Variants in WDR87 observed in about 807,000 individuals in gnomAD.
The protein encoded by WDR87 is WD repeat domain 87.
WDR87 carries 56 observed loss-of-function variants against 83.3 expected under a neutral mutation model. That is an observed-to-expected ratio of 0.67 (90% CI 0.54 to 0.84). The LOEUF (loss-of-function observed/expected upper bound fraction) is 0.84. WDR87 is among the 40% of genes least tolerant of loss of function. The pLI is 0.00. For missense variants in WDR87, 2,939 were observed against 3,431.9 expected (o/e 0.86, Z 3.59); for synonymous variants, 1,173 against 1,250.6 (o/e 0.94, Z 1.31).
rs1165057407 is a variant in WDR87, at chr19:37,886,656, G to A, written c.7015C>T (p.Gln2339Ter). The A allele has an allele frequency of 6.6e-7, 1 of 1,504,516 alleles. No homozygotes were observed. Among genetic ancestry groups the A allele is most frequent in the Non-Finnish European group, 9.0e-7 (1 of 1,110,920 alleles). The allele number at this position is 1,504,516 out of a possible 1,614,324, so 93.2% of individuals were successfully genotyped here. A position where few individuals can be genotyped will look rare whatever the true frequency, so the allele number is the denominator to read the frequency against. Residue 2339 changes from glutamine to a stop codon, truncating the protein, a stop_gained, in exon 6 of 6, where the codon CAG (glutamine) becomes TAG (stop). Transcript: ENST00000447313. LOFTEE classifies it low-confidence loss of function (END_TRUNC). ...TCCTCAAACACTTCTTCCTTCTCCT[G>A]AACCTCCTCCTTCTTCTTTTCCTTT... ...KKKEKKKEEVQEKEEVFEEKE... is the reference protein window; with the variant it reads ...KKKEKKKEEV
At chr19:37,896,010 A>G (rs1193144820) in intron 3 of WDR87, 128 bp downstream of exon 3, 2 of 1,241,702 alleles carry the variant, frequency 1.6e-6, no homozygotes, top group Non-Finnish European at 2.2e-6. Context: ...AGAAAGGATG[A>G]GGAGAGATTT....
Position 37,884,924 on chromosome 19 carries a change from G to T in WDR87, c.*8C>A. On this transcript the variant is annotated 3_prime_UTR_variant, in exon 6 of 6. Coordinates refer to ENST00000447313, the MANE Select transcript of WDR87 (RefSeq NM_001291088.2). ...AATGAAAAGTCCCAGCCTCCAGTCA[G>T]TCCCAAATTAGAGAGTGGGAGCAAC... 7.7e-7 allele frequency: 1 copy of T among 1,290,970 alleles called. No homozygotes were observed. The highest frequency in any genetic ancestry group is 9.9e-7 in the Non-Finnish European group (1 of 1,012,202). 80.0% of individuals were successfully genotyped at this position (1,290,970 alleles called of 1,614,324 possible). A position where few individuals can be genotyped will look rare whatever the true frequency, so the allele number is the denominator to read the frequency against.
chr19:37,893,347 A>G lies in WDR87; in HGVS notation c.2356T>C (p.Tyr786His), dbSNP rs1428999838. Residue 786 changes from tyrosine to histidine, a missense_variant, in exon 4 of 6, where the codon TAT becomes CAT. Physicochemically the swap from Tyr to His is moderately conservative, Grantham distance 83 (BLOSUM62 2). Transcript: ENST00000447313. ...MQVSKRYQCHYVLPPQLQLTS... is the reference protein window; with the variant it reads ...MQVSKRYQCHHVLPPQLQLTS... ...AGTTGTAGCTGGGGAGGAAGCACATAATGGCATTGGTAACGTTTGCTCACC... is the reference window on the plus strand; with the variant it reads ...AGTTGTAGCTGGGGAGGAAGCACATGATGGCATTGGTAACGTTTGCTCACC... 6.4e-7 allele frequency: 1 copy of G among 1,551,762 alleles called. No individual in the cohort carries two copies. The highest frequency in any genetic ancestry group is 1.4e-5 in the African/African-American group (1 of 73,056).
Position 37,889,744 on chromosome 19 carries a change from C to T in WDR87, c.3927G>A (p.Val1309=), listed in dbSNP as rs1300623491. 6.4e-7 allele frequency: 1 copy of T among 1,551,624 alleles called. No individual in the cohort carries two copies. The highest frequency in any genetic ancestry group is 8.7e-7 in the Non-Finnish European group (1 of 1,147,012). ...KMSENLNAEL[V]TFAQEMLVDR... ...CTACCAGCATCTCCTGAGCAAATGTCACTAGCTCAGCGTTTAGGTTTTCTG... is the reference window on the plus strand; with the variant it reads ...CTACCAGCATCTCCTGAGCAAATGTTACTAGCTCAGCGTTTAGGTTTTCTG... The change falls in exon 6 of 6, where the codon GTG becomes GTA. Residue 1309 remains valine (V), a synonymous_variant. Transcript: ENST00000447313.
In WDR87 at chr19:37,886,597, TTC is replaced by T. The variant is rs1244249345; in HGVS notation, c.7072_7073del (p.Glu2358LysfsTer4). On this transcript the variant is annotated frameshift_variant, in exon 6 of 6. Coordinates refer to ENST00000447313, the MANE Select transcript of WDR87 (RefSeq NM_001291088.2). LOFTEE classifies it low-confidence loss of function (END_TRUNC). ...KEEIMSEEET[E>X]SLSDEEEEEE... ...CTTCCTCTTCCTCGTCACTCAAACT[TTC>T]TGTCTCTTCCTCACTCATAATTTCT... 2.3e-5 allele frequency: 35 copies of T among 1,529,238 alleles called. No individual in the cohort carries two copies. Among genetic ancestry groups the T allele is most frequent in the Admixed American group, 4.3e-5 (2 of 46,320 alleles). The allele number at this position is 1,529,238 out of a possible 1,614,324, so 94.7% of individuals were successfully genotyped here. A position where few individuals can be genotyped will look rare whatever the true frequency, so the allele number is the denominator to read the frequency against.
In WDR87 at chr19:37,888,705, C is replaced by T. The variant is rs761887953; in HGVS notation, c.4966G>A (p.Ala1656Thr). The T allele has an allele frequency of 1.3e-4, 209 of 1,551,702 alleles. 1 individual carries two copies. Among genetic ancestry groups the T allele is most frequent in the Non-Finnish European group, 1.7e-4 (197 of 1,147,034 alleles). ...TGGGTTATTTTCACGTATGCCTGGG[C>T]CAGTTTTCTCTCTTCCTGGGCCAAC... ...RQLAQEERKL[A>T]QAYVKITQDD... is the part of the protein sequence containing the mutation. The change falls in exon 6 of 6, where the codon GCC (alanine) becomes ACC (threonine). Residue 1656 changes from alanine to threonine, a missense_variant. By Grantham distance (58) the Ala-to-Thr change is moderately conservative (BLOSUM62 0). Coordinates refer to ENST00000447313, the MANE Select transcript of WDR87 (RefSeq NM_001291088.2).
Position 37,887,925 on chromosome 19 carries a change from C to A in WDR87, c.5746G>T (p.Val1916Leu). The A allele has an allele frequency of 6.4e-7, 1 of 1,551,734 alleles. No homozygotes were observed. The highest frequency in any genetic ancestry group is 8.7e-7 in the Non-Finnish European group (1 of 1,146,998). Reference sequence around the variant, plus strand: ...TTGAACATTCCCAATTTGTTCTTTACTTGCACTAATTGCTTTTTGCTGTGG... The same window carrying A: ...TTGAACATTCCCAATTTGTTCTTTAATTGCACTAATTGCTTTTTGCTGTGG... ...LTHSKKQLVQ[V>L]KNKLGMFNKI... The change falls in exon 6 of 6, where the codon GTA (valine) becomes TTA (leucine). Residue 1916 changes from valine to leucine, a missense_variant. Around this residue, in one of 3 missense-constraint regions of WDR87, gnomAD observed 2,160 missense variants for 2,533.1 expected, o/e 0.85. Coordinates refer to ENST00000447313, the MANE Select transcript of WDR87 (RefSeq NM_001291088.2).
At position 37,888,658 on chromosome 19, in the gene WDR87, C is replaced by G. The variant is rs1408145669; in HGVS notation, c.5013G>C (p.Gln1671His). ...CTTTCTGGGCAAACTTACCCTCTGC[C>G]TGGGCCATTTCCCTGTCATCCTGGG... Reference protein sequence around the residue: ...KITQDDREMAQAEGKFAQKEE... With the variant: ...KITQDDREMAHAEGKFAQKEE... Residue 1671 changes from glutamine (Q) to histidine (H), a missense_variant, in exon 6 of 6, where the codon CAG becomes CAC. This residue lies in a region of WDR87 where 2,160 missense variants were observed against 2,533.1 expected (regional missense o/e 0.85). Coordinates refer to ENST00000447313, the MANE Select transcript of WDR87 (RefSeq NM_001291088.2). The G allele has an allele frequency of 6.4e-7, 1 of 1,552,012 alleles. No individual in the cohort carries two copies. Among genetic ancestry groups the G allele is most frequent in the Non-Finnish European group, 8.7e-7 (1 of 1,147,116 alleles).
rs1177159840 is a variant in WDR87 at position 37,894,445 on chromosome 19, C to T, written c.1258G>A (p.Gly420Ser). The change falls in exon 4 of 6, where the codon GGT becomes AGT. Residue 420 changes from glycine (G) to serine (S), a missense_variant. This residue lies in a region of WDR87 where 553 missense variants were observed against 577.9 expected (regional missense o/e 0.96). Transcript: ENST00000447313. ...DQAVDWAYDP[G>S]KEELFVATGS... is the part of the protein sequence containing the mutation. ...GTTGCTACAAAGAGCTCCTCTTTAC[C>T]TGGGTCGTAGGCCCAATCCACAGCC... 1.3e-6 allele frequency: 2 copies of T among 1,551,690 alleles called. No individual in the cohort carries two copies. The highest frequency in any genetic ancestry group is 1.7e-6 in the Non-Finnish European group (2 of 1,146,990).
At position 37,889,200 on chromosome 19, in the gene WDR87, C is replaced by G; in HGVS notation, c.4471G>C (p.Glu1491Gln). The G allele has an allele frequency of 6.4e-7, 1 of 1,552,230 alleles. No homozygotes were observed. Residue 1491 changes from glutamate to glutamine, a missense_variant, in exon 6 of 6, where the codon GAG (glutamate) becomes CAG (glutamine). Physicochemically the swap from Glu to Gln is conservative, Grantham distance 29. Transcript: ENST00000447313. The stretch of plus-strand genomic sequence containing the variant: ...CAGTCCTGCCAAGATGGTGTCCTCT[C>G]AATCATAACCAGTTTTCCTTCTTGT... ...VKQEGKLVMI[E>Q]RTPSWQDWKK...
chr19:37,891,240 T>G (rs2046202552), intron 5 of WDR87, among the ~76,000 whole-genome samples: 1 of 151,918 alleles, frequency 6.6e-6, no homozygotes. Flanking sequence ...CTCTGCTCAT[T>G]GCAACCTCCA....
Position 37,885,721 on chromosome 19 carries a change from C to T in WDR87, c.7950G>A (p.Glu2650=). 1.3e-6 allele frequency: 2 copies of T among 1,551,682 alleles called. No homozygotes were observed. Among genetic ancestry groups the T allele is most frequent in the South Asian group, 2.4e-5 (2 of 84,062 alleles). Residue 2650 remains glutamate (E), a synonymous_variant, in exon 6 of 6, where the codon GAG becomes GAA. Transcript: ENST00000447313. ...VIPPIKAKEK[E]SWPKPLAVPT... ...GGACAGCCAAAGGTTTTGGCCAGCTCTCCTTTTCCTTTGCTTTTATAGGAG... is the reference window on the plus strand; with the variant it reads ...GGACAGCCAAAGGTTTTGGCCAGCTTTCCTTTTCCTTTGCTTTTATAGGAG...
In WDR87 at chr19:37,896,118, G is replaced by T; in HGVS notation, c.246+20C>A. 1 of 1,551,974 alleles carries T rather than the reference G, an allele frequency of 6.4e-7. No homozygotes were observed. On this transcript the variant is annotated intron_variant, in intron 3 of 5. Coordinates refer to ENST00000447313, the MANE Select transcript of WDR87 (RefSeq NM_001291088.2). Reference sequence around the variant, plus strand: ...GGCTCTTGGAGAATGGGCCAAGAAGGGTAAGAAAGGCAGTCTTACTTGTAT... The same window carrying T: ...GGCTCTTGGAGAATGGGCCAAGAAGTGTAAGAAAGGCAGTCTTACTTGTAT...
Position 37,896,142 on chromosome 19 carries a change from A to G in WDR87, c.242T>C (p.Ile81Thr), listed in dbSNP as rs1200940789. 3.9e-6 allele frequency: 6 copies of G among 1,552,192 alleles called. No homozygotes were observed. The South Asian group carries it at 5.9e-5, about 15-fold the overall frequency. The change falls in exon 3 of 6, where the codon ATA becomes ACA. Residue 81 changes from isoleucine (I) to threonine (T), a missense_variant. Transcript: ENST00000447313. ...GGGTAAGAAAGGCAGTCTTACTTGT[A>G]TTTCTTTTGTGTTTGATGTCACCCA... ...LSWVTSNTKE[I>T]QAVAWMKSKT...
chr19:37,895,193 C>G lies in WDR87; in HGVS notation c.510G>C (p.Gly170=). The G allele has an allele frequency of 1.3e-6, 2 of 1,551,692 alleles. No homozygotes were observed. The highest frequency in any genetic ancestry group is 1.7e-6 in the Non-Finnish European group (2 of 1,147,004). Residue 170 remains glycine (G), a synonymous_variant, in exon 4 of 6, where the codon GGG becomes GGC. Coordinates refer to ENST00000447313, the MANE Select transcript of WDR87 (RefSeq NM_001291088.2). Reference sequence around the variant, plus strand: ...GCTCAATGACCCAGGTCACCACTGCCCCCAGGATGCCAGACAGAAGCATCT... The same window carrying G: ...GCTCAATGACCCAGGTCACCACTGCGCCCAGGATGCCAGACAGAAGCATCT... The part of the protein sequence containing the change: ...EMKMLLSGIL[G]AVVTWVIELG...
Position 37,885,412 on chromosome 19 carries a change from CTG to C in WDR87, c.8257_8258del (p.Gln2753AlafsTer4). ...ACTCTTCCTTTTTTTTAGAAATGGG[CTG>C]TGTCTTCTTCTCTAACTTGGGCAGT... ...PKLPKLEKKTQPISKKKEELP... is the reference protein window; with the variant it reads ...PKLPKLEKKTXPISKKKEELP... On this transcript the variant is annotated frameshift_variant, in exon 6 of 6. Coordinates refer to ENST00000447313, the MANE Select transcript of WDR87 (RefSeq NM_001291088.2). LOFTEE classifies it low-confidence loss of function (END_TRUNC). 6.4e-7 allele frequency: 1 copy of C among 1,551,784 alleles called. No homozygotes were observed. The highest frequency in any genetic ancestry group is 8.7e-7 in the Non-Finnish European group (1 of 1,147,042).
At position 37,886,379 on chromosome 19, in the gene WDR87, T is replaced by G; in HGVS notation, c.7292A>C (p.Lys2431Thr). ...RLGVLKSPLK[K>T]LMSTALEMKE... is the part of the protein sequence containing the mutation. Reference sequence around the variant, plus strand: ...CATCTCCAGAGCTGTTGACATCAGTTTCTTCAAAGGGCTTTTTAGAACTCC... The same window carrying G: ...CATCTCCAGAGCTGTTGACATCAGTGTCTTCAAAGGGCTTTTTAGAACTCC... The change falls in exon 6 of 6, where the codon AAA becomes ACA. Residue 2431 changes from lysine (K) to threonine (T), a missense_variant. Physicochemically the swap from Lys to Thr is moderately conservative, Grantham distance 78. Around this residue, in one of 3 missense-constraint regions of WDR87, gnomAD observed 2,160 missense variants for 2,533.1 expected, o/e 0.85. Transcript: ENST00000447313. The G allele has an allele frequency of 6.5e-7, 1 of 1,547,660 alleles. No individual in the cohort carries two copies. The highest frequency in any genetic ancestry group is 8.7e-7 in the Non-Finnish European group (1 of 1,146,060).
In WDR87 at chr19:37,886,879, A is replaced by G. The variant is rs74420483; in HGVS notation, c.6792T>C (p.His2264=). ...SQVDEVESEE[H]FSEEMESLLD... ...ACAGGCTTTCCATTTCTTCAGAAAA[A>G]TGCTCTTCACTTTCCACTTCATCCA... The change falls in exon 6 of 6, where the codon CAT becomes CAC. Residue 2264 remains histidine, a synonymous_variant. Coordinates refer to ENST00000447313, the MANE Select transcript of WDR87 (RefSeq NM_001291088.2). 4 of 1,551,286 alleles carry G rather than the reference A, an allele frequency of 2.6e-6. No individual in the cohort carries two copies. Among genetic ancestry groups the G allele is most frequent in the Admixed American group, 2.0e-5 (1 of 50,888 alleles).
rs1247013851 is a variant in WDR87, at chr19:37,887,320, C to CT, written c.6350dup (p.Ala2118GlyfsTer9). 6.4e-7 allele frequency: 1 copy of CT among 1,551,314 alleles called. No homozygotes were observed. The highest frequency in any genetic ancestry group is 1.4e-5 in the African/African-American group (1 of 72,964). ...CATCCCTGGTTAGTTTTTGAAGTGCCTTTAAGATTTTGTTCAGTTTTGCTG... is the reference window on the plus strand; with the variant it reads ...CATCCCTGGTTAGTTTTTGAAGTGCCTTTTAAGATTTTGTTCAGTTTTGCTG... On this transcript the variant is annotated frameshift_variant, in exon 6 of 6. Transcript: ENST00000447313. LOFTEE classifies it low-confidence loss of function (END_TRUNC).
Sources: allele counts gnomAD v4.1 joint callset (sites outside exome capture counted in the v4.1 genomes callset), GRCh38; gene constraint gnomAD v4.1.1; regional missense constraint gnomAD v4.1.1; transcripts MANE v1.5; gene names NCBI Gene and HGNC (gene_info 2026-07-23, HGNC 2026-07-21).